SOAT2: variants seen among roughly 807,000 people sequenced by gnomAD.
SOAT2 encodes the protein sterol O-acyltransferase 2, also known as ACAT-2.
Under a neutral mutation model 76.0 loss-of-function variants are expected in SOAT2, and 87 were observed. That is an observed-to-expected ratio of 1.14 (90% CI 0.96 to 1.37). SOAT2 has a LOEUF of 1.37. Among genes scored for constraint, SOAT2 ranks in the 40% most tolerant of loss-of-function variants. The pLI is 0.00. For missense variants in SOAT2, 686 were observed against 682.1 expected (o/e 1.01, Z -0.06); for synonymous variants, 285 against 275.4 (o/e 1.03, Z -0.34).
chr12:53,107,622 C>CTTTTTTTTTTTTTTTTTTTTTTTTTTTTT (rs1303838303), intron 5 of SOAT2, among the ~76,000 whole-genome samples: 1 of 117,036 alleles, frequency 8.5e-6, no homozygotes, highest in African/African-American at 3.7e-5. Flanking sequence ...AACAGATGTA[C>CTTTTTTTTTTTTTTTTTTTTTTTTTTTTT]TTTTTTTTTT....
chr12:53,123,876 A>T lies in SOAT2; in HGVS notation c.1518+3A>T. On this transcript the variant is annotated splice_donor_region_variant and intron_variant, in intron 14 of 14. Coordinates refer to ENST00000301466, the MANE Select transcript of SOAT2 (RefSeq NM_003578.4). ...GGCGGCACTGCCCCTTACCCCAGGT[A>T]AGAGACCACAACCCTCATCCAGCTC... 6.2e-7 allele frequency: 1 copy of T among 1,614,068 alleles called. No homozygotes were observed. The highest frequency in any genetic ancestry group is 8.5e-7 in the Non-Finnish European group (1 of 1,179,998).
chr12:53,124,273 G>A lies in SOAT2; in HGVS notation c.*150G>A. On this transcript the variant is annotated 3_prime_UTR_variant, in exon 15 of 15. Coordinates refer to ENST00000301466, the MANE Select transcript of SOAT2 (RefSeq NM_003578.4). ...CCCCACCAAGGAATGTGCAAGGACT[G>A]AGATCTGCAGACTTGTGGGTAACTG... The A allele has an allele frequency of 1.4e-6, 1 of 721,908 alleles. No homozygotes were observed. The highest frequency in any genetic ancestry group is 2.4e-6 in the Non-Finnish European group (1 of 414,412). 44.7% of individuals were successfully genotyped at this position (721,908 alleles called of 1,614,324 possible). A position where few individuals can be genotyped will look rare whatever the true frequency, so the allele number is the denominator to read the frequency against.
In SOAT2 at chr12:53,103,621, G is replaced by A. The variant is rs1424265197; in HGVS notation, c.44G>A (p.Gly15Glu). 3.2e-6 allele frequency: 5 copies of A among 1,545,072 alleles called. No homozygotes were observed. The East Asian group carries it at 7.3e-5, about 23-fold the overall frequency. ...CGTCTGCGTCTGCAGAGGACAGAAG[G>A]GCTGGGAGGGGAGCGGGAGCGCCAA... Reference protein sequence around the residue: ...GARLRLQRTEGLGGERERQPC... With the variant: ...GARLRLQRTEELGGERERQPC... The change falls in exon 1 of 15, where the codon GGG becomes GAG. Residue 15 changes from glycine to glutamate, a missense_variant. Transcript: ENST00000301466.
chr12:53,103,933 C>G (rs757502567), intron 1 of SOAT2, among the ~76,000 whole-genome samples: 3 of 152,154 alleles, frequency 2.0e-5, no homozygotes, highest in Non-Finnish European at 4.4e-5. Flanking sequence ...GTGCCCTGTT[C>G]CCAGTAATGT....
At position 53,123,165 on chromosome 12, in the gene SOAT2, G is replaced by A. The variant is rs140314253; in HGVS notation, c.1321G>A (p.Val441Ile). 9.9e-6 allele frequency: 16 copies of A among 1,614,060 alleles called. No homozygotes were observed. The highest frequency in any genetic ancestry group is 9.3e-5 in the African/African-American group (7 of 75,044). Residue 441 changes from valine (V) to isoleucine (I), a missense_variant, in exon 13 of 15, where the codon GTC (valine) becomes ATC (isoleucine). Transcript: ENST00000301466. ...GGCCCATGAGTATATCTTCTGCTTC[G>A]TCCTGGGGTTCTTCTATCCCGTCAT... Reference protein sequence around the residue: ...AVAHEYIFCFVLGFFYPVMLI... With the variant: ...AVAHEYIFCFILGFFYPVMLI...
At chr12:53,107,316 G>A (rs1181726213) in intron 5 of SOAT2, among the ~76,000 whole-genome samples, 8 of 152,082 alleles carry the variant, frequency 5.3e-5, no homozygotes, top group South Asian at 2.1e-4. Flanking sequence ...TCTCTGTTTC[G>A]GGGCCTTGGA....
chr12:53,113,725 A>G (rs1938058270), intron 5 of SOAT2, among the ~76,000 whole-genome samples: 1 of 152,242 alleles, frequency 6.6e-6, no homozygotes, highest in Non-Finnish European at 1.5e-5. Context: ...TCTAAGCTCT[A>G]TGTCTATGTG....
chr12:53,120,727 G>A, intron 10 of SOAT2, 59 bp from the exon 11 acceptor site: 2 of 1,232,614 alleles, frequency 1.6e-6, no homozygotes, highest in Admixed American at 3.4e-5. Flanking sequence ...CCAGATCAGG[G>A]CTGCCTGTGG....
At chr12:53,114,126 T>A (rs963213899) in intron 5 of SOAT2, among the ~76,000 whole-genome samples, 8 of 152,112 alleles carry the variant, frequency 5.3e-5, no homozygotes, top group Non-Finnish European at 8.8e-5. Context: ...TATGGAGGCC[T>A]GTATTAGTGA....
chr12:53,116,844 G>C (rs1467327320), intron 7 of SOAT2, among the ~76,000 whole-genome samples: 1 of 151,672 alleles, frequency 6.6e-6, no homozygotes, highest in African/African-American at 2.4e-5. Flanking sequence ...CTCCAGCCTG[G>C]GCAACAGACT....
At chr12:53,107,353 A>T (rs970951904) in intron 5 of SOAT2, among the ~76,000 whole-genome samples, 7 of 152,142 alleles carry the variant, frequency 4.6e-5, no homozygotes, top group Non-Finnish European at 7.3e-5. Flanking sequence ...ACATAATAGT[A>T]TGTAACAGTA....
chr12:53,121,503 C>A, intron 12 of SOAT2, 102 bp downstream of exon 12: 1 of 839,946 alleles, frequency 1.2e-6, no homozygotes, highest in Non-Finnish European at 1.9e-6. Flanking sequence ...CACCACTCAC[C>A]TAAGGGCCTA....
rs899035087 is a variant in SOAT2, at chr12:53,120,871, G to A, written c.1125G>A (p.Arg375=). The change falls in exon 11 of 15, where the codon AGG becomes AGA. Residue 375 remains arginine, a synonymous_variant. Coordinates refer to ENST00000301466, the MANE Select transcript of SOAT2 (RefSeq NM_003578.4). The stretch of plus-strand genomic sequence containing the variant: ...CCGAGATGCTACGATTTGGAGACAG[G>A]ATGTTCTACCGGGTGGGGCCTGGAC... ...AFAEMLRFGD[R]MFYRDWWNST... is the part of the protein sequence containing the mutation. The A allele has an allele frequency of 6.2e-6, 10 of 1,613,748 alleles. No homozygotes were observed. In the African/African-American group the frequency reaches 1.1e-4, roughly 17 times the overall value.
chr12:53,116,316 G>T, intron 7 of SOAT2, 150 bp downstream of exon 7: 2 of 643,140 alleles, frequency 3.1e-6, no homozygotes, highest in South Asian at 3.8e-5. Context: ...GGCTCTGTGG[G>T]CCTTCATCAT....
rs758073087 is a variant in SOAT2, at chr12:53,103,602, C to A, written c.25C>A (p.Arg9Ser). The A allele has an allele frequency of 5.8e-6, 9 of 1,546,720 alleles. No homozygotes were observed. The highest frequency in any genetic ancestry group is 7.8e-6 in the Non-Finnish European group (9 of 1,146,680). ...CATGGAGCCAGGCGGGGCCCGTCTG[C>A]GTCTGCAGAGGACAGAAGGGCTGGG... Reference protein sequence around the residue: MEPGGARLRLQRTEGLGGE... With the variant: MEPGGARLSLQRTEGLGGE... Residue 9 changes from arginine (R) to serine (S), a missense_variant, in exon 1 of 15, where the codon CGT (arginine) becomes AGT (serine). By Grantham distance (110) the Arg-to-Ser change is moderately radical (BLOSUM62 -1). Transcript: ENST00000301466.
At position 53,105,567 on chromosome 12, in the gene SOAT2, G is replaced by A. The variant is rs758274786; in HGVS notation, c.282G>A (p.Gln94=). The A allele has an allele frequency of 1.9e-6, 3 of 1,611,624 alleles. No homozygotes were observed. The highest frequency in any genetic ancestry group is 2.5e-6 in the Non-Finnish European group (3 of 1,178,680). The change falls in exon 4 of 15, where the codon CAG becomes CAA. Residue 94 remains glutamine (Q), a synonymous_variant. Transcript: ENST00000301466. ...PPPPGSLSRT[Q]EPSLGKQKVF... ...AACAAACATCTCAATTCAGGACCCA[G>A]GAGCCATCCCTGGGGAAACAGAAAG...
intron 7 of SOAT2, among the ~76,000 whole-genome samples, chr12:53,117,210 C>T (rs908273040): frequency 2.0e-5 from 3 of 151,732 alleles, no homozygotes; most frequent in Admixed American, 1.3e-4. Flanking sequence ...ATCCACCCAC[C>T]TCAGCCTCCC....
intron 12 of SOAT2, among the ~76,000 whole-genome samples, chr12:53,122,433 A>T (rs1275978303): frequency 1.5e-5 from 2 of 137,214 alleles, no homozygotes; most frequent in Non-Finnish European, 3.0e-5. Flanking sequence ...AGGTCAGCAG[A>T]TAAGTGAACA....
At chr12:53,111,768 C>T (rs1228170224) in intron 5 of SOAT2, among the ~76,000 whole-genome samples, 1 of 152,130 alleles carries the variant, frequency 6.6e-6, no homozygotes, top group African/African-American at 2.4e-5. Context: ...TTAAAGCTAG[C>T]TTATGTATTA....
Sources: allele counts gnomAD v4.1 joint callset (sites outside exome capture counted in the v4.1 genomes callset), GRCh38; gene constraint gnomAD v4.1.1; transcripts MANE v1.5; gene names NCBI Gene and HGNC (gene_info 2026-07-23, HGNC 2026-07-21).